The following PRKCH variants were observed in gnomAD, a reference collection of about 807,000 sequenced individuals.
PRKCH encodes protein kinase C eta type.
In PRKCH, 28 loss-of-function variants were observed where a neutral mutation model predicts 82.5. The ratio of observed to expected loss-of-function variants is 0.34; its 90% CI spans 0.25 to 0.47. The LOEUF is 0.47. PRKCH is among the 20% of genes least tolerant of loss of function. The pLI is 1.00. For missense variants in PRKCH, 705 were observed against 881.8 expected, an observed-to-expected ratio of 0.80 and a Z score of 2.54; for synonymous variants, 322 against 327.4, an observed-to-expected ratio of 0.98 and a Z score of 0.18.
chr14:61,398,766 A>T (rs1415951766), intron 2 of PRKCH, among the ~76,000 whole-genome samples: 6 of 152,216 alleles, frequency 3.9e-5, no homozygotes, highest in African/African-American at 1.2e-4. Flanking sequence ...GACTGTGGAA[A>T]AATTTTACAG....
intron 7 of PRKCH, among the ~76,000 whole-genome samples, chr14:61,454,033 G>A (rs1884643395): frequency 1.3e-5 from 2 of 152,004 alleles, no homozygotes; most frequent in African/African-American, 2.4e-5. Flanking sequence ...GAAATAATGA[G>A]CATGAGCAAC....
intron 6 of PRKCH, among the ~76,000 whole-genome samples, chr14:61,452,338 A>G (rs780708908): frequency 2.6e-5 from 4 of 152,100 alleles, no homozygotes; most frequent in Admixed American, 6.5e-5. Context: ...GGCCTCCTAA[A>G]TTATGTAAAT....
intron 10 of PRKCH, among the ~76,000 whole-genome samples, chr14:61,511,436 T>C (rs1887369858): frequency 6.6e-6 from 1 of 152,136 alleles, no homozygotes; most frequent in African/African-American, 2.4e-5. Flanking sequence ...AGGAGTCAGA[T>C]TGGGGCAGCC....
intron 9 of PRKCH, among the ~76,000 whole-genome samples, chr14:61,462,500 G>A (rs1435672440): frequency 6.6e-6 from 1 of 152,174 alleles, no homozygotes; most frequent in African/African-American, 2.4e-5. Flanking sequence ...GCAAGGTATC[G>A]GACTCCACAG....
intron 1 of PRKCH, among the ~76,000 whole-genome samples, chr14:61,226,552 A>G (rs1313928977): frequency 1.3e-5 from 2 of 152,210 alleles, no homozygotes; most frequent in South Asian, 4.1e-4. Context: ...TATGTGGGGC[A>G]ACTGTGTCCT....
At chr14:61,491,468 A>T (rs1041500642) in intron 10 of PRKCH, among the ~76,000 whole-genome samples, 5 of 152,184 alleles carry the variant, frequency 3.3e-5, no homozygotes, top group African/African-American at 1.2e-4. Context: ...CCTGGGACTG[A>T]TACTGGCTCT....
In PRKCH at chr14:61,263,847, TTGTGTGTGTGTGTG is replaced by T. The variant is rs56280986; in HGVS notation, c.-19+76215_-19+76228del. Among the ~76,000 whole-genome samples, 558 of 144,312 alleles carry T rather than the reference TTGTGTGTGTGTGTG, an allele frequency of 3.9e-3. 4 individuals carry two copies. Among genetic ancestry groups the T allele is most frequent in the South Asian group, 1.0e-2 (44 of 4,412 alleles). The allele number at this position is 144,312 out of a possible 152,430, so 94.7% of individuals were successfully genotyped here. ...AGGAAAAGCATCTGAAGTCAGAGTA[TTGTGTGTGTGTGTG>T]TGTGTGTGTGTGTGTGTGTGTGTGT... is the stretch of plus-strand genomic sequence containing the variant. On this transcript the variant is annotated intron_variant, in intron 1 of 3. Transcript: ENST00000555185.
intron 9 of PRKCH, among the ~76,000 whole-genome samples, chr14:61,482,560 C>G (rs987511656): frequency 6.6e-6 from 1 of 152,172 alleles, no homozygotes; most frequent in African/African-American, 2.4e-5. Flanking sequence ...AAGTCGTCGT[C>G]GTGTCTCAGC....
chr14:61,388,344 A>G (rs932109164), intron 1 of PRKCH, among the ~76,000 whole-genome samples: 5 of 152,168 alleles, frequency 3.3e-5, no homozygotes, highest in Non-Finnish European at 7.3e-5. Flanking sequence ...AGTGGGTGAC[A>G]TGGGTCAAAA....
chr14:61,426,306 T>G (rs1272402164), intron 2 of PRKCH, among the ~76,000 whole-genome samples: 1 of 152,232 alleles, frequency 6.6e-6, no homozygotes, highest in East Asian at 1.9e-4. Context: ...TCACCTTCCC[T>G]GTTGTGCAAT....
At chr14:61,497,570 A>G (rs77023410) in intron 10 of PRKCH, among the ~76,000 whole-genome samples, 18,173 of 152,246 alleles carry the variant, frequency 0.12, 1,294 homozygotes, top group Admixed American at 0.18. Context: ...TGTGTAATCA[A>G]TACTCCAAAT....
chr14:61,320,785 A>T (rs1262237744), upstream of PRKCH, among the ~76,000 whole-genome samples: 1 of 152,190 alleles, frequency 6.6e-6, no homozygotes, highest in Non-Finnish European at 1.5e-5. Flanking sequence ...TCTGACTGCA[A>T]ATACAACAAG....
chr14:61,234,851 T>C (rs1235883214), intron 1 of PRKCH, among the ~76,000 whole-genome samples: 6 of 152,232 alleles, frequency 3.9e-5, no homozygotes, highest in Admixed American at 2.6e-4. Context: ...TTGCCAGCTA[T>C]GTTCAGGGCC....
chr14:61,204,494 C>G (rs556970045), intron 1 of PRKCH, among the ~76,000 whole-genome samples: 50 of 152,172 alleles, frequency 3.3e-4, no homozygotes, highest in Admixed American at 1.7e-3. Context: ...GTGGCTCACA[C>G]CTGTAAACCC....
At position 61,211,021 on chromosome 14, in the gene PRKCH, GC is replaced by G. The variant is rs1303752671; in HGVS notation, c.-19+23354del. 3.9e-5 allele frequency among the ~76,000 whole-genome samples: 6 copies of G among 152,278 alleles called. No individual in the cohort carries two copies. The East Asian group carries it at 9.7e-4, about 25-fold the overall frequency. ...GTTGGGGCAGCAGTTGGGAATGAAA[GC>G]TGAACATGGAGGAAGGCAAACTGGA... On this transcript the variant is annotated intron_variant, in intron 1 of 3. Coordinates refer to the PRKCH transcript ENST00000555185.
intron 12 of PRKCH, among the ~76,000 whole-genome samples, chr14:61,533,645 C>T (rs1489829885): frequency 6.6e-6 from 1 of 152,278 alleles, no homozygotes; most frequent in East Asian, 1.9e-4. Context: ...GTTTCCTCTC[C>T]ATTTCCTTGG....
intron 1 of PRKCH, among the ~76,000 whole-genome samples, chr14:61,260,281 A>T (rs2140079291): frequency 6.6e-6 from 1 of 152,316 alleles, no homozygotes; most frequent in South Asian, 2.1e-4. Flanking sequence ...GAAGCACTGA[A>T]ACTACTCTCC....
At chr14:61,533,129 T>C (rs550634749) in intron 12 of PRKCH, among the ~76,000 whole-genome samples, 2 of 152,212 alleles carry the variant, frequency 1.3e-5, no homozygotes, top group East Asian at 3.9e-4. Context: ...GCTTGTAAAA[T>C]AGAGGTAATA....
At chr14:61,449,536 G>A (rs183832833) in intron 5 of PRKCH, among the ~76,000 whole-genome samples, 1 of 152,056 alleles carries the variant, frequency 6.6e-6, no homozygotes, top group Non-Finnish European at 1.5e-5. Context: ...TGGTTGGCTG[G>A]GTATAAGCTA....
Sources: gnomAD v4.1 joint callset for allele counts (sites outside exome capture counted in the v4.1 genomes callset) on GRCh38, gnomAD v4.1.1 for gene constraint, MANE v1.5 for transcripts, NCBI Gene and HGNC (gene_info 2026-07-23, HGNC 2026-07-21) for gene names.